Variants in DAB1 observed in about 807,000 individuals in gnomAD.
DAB1 encodes the protein disabled homolog 1.
In DAB1, 15 loss-of-function variants were observed where a neutral mutation model predicts 64.6. The ratio of observed to expected loss-of-function variants is 0.23; its 90% CI spans 0.16 to 0.36. The LOEUF is 0.36. Among genes scored for constraint, DAB1 ranks in the 10% least tolerant of loss-of-function variants. The pLI is 1.00. For synonymous variants in DAB1, 235 were observed against 251.9 expected (o/e 0.93, Z 0.64); for missense variants, 596 against 706.7 (o/e 0.84, Z 1.78).
At chr1:57,264,627 G>T (rs1395852590) in intron 2 of DAB1, among the ~76,000 whole-genome samples, 1 of 152,146 alleles carries the variant, frequency 6.6e-6, no homozygotes, top group African/African-American at 2.4e-5. Flanking sequence ...CTTAAACAAG[G>T]TTGAACCCCT....
intron 1 of DAB1, among the ~76,000 whole-genome samples, chr1:57,874,726 G>T (rs1188256636): frequency 6.6e-6 from 1 of 152,150 alleles, no homozygotes; most frequent in African/African-American, 2.4e-5. Flanking sequence ...TCAGAAGAGT[G>T]ATGGTCACAT....
intron 6 of DAB1, among the ~76,000 whole-genome samples, chr1:57,784,219 A>G (rs984981232): frequency 6.6e-6 from 1 of 152,076 alleles, no homozygotes; most frequent in African/African-American, 2.4e-5. Flanking sequence ...AAATGGCAAG[A>G]CCGTTTCTAC....
intron 9 of DAB1, among the ~76,000 whole-genome samples, chr1:57,050,899 T>C (rs1170556844): frequency 1.3e-5 from 2 of 152,136 alleles, no homozygotes; most frequent in African/African-American, 4.8e-5. Context: ...GGAACTCAAA[T>C]AGAATAAGGG....
At chr1:58,357,160 T>A (rs1031500039) in intron 3 of DAB1, among the ~76,000 whole-genome samples, 1 of 151,970 alleles carries the variant, frequency 6.6e-6, no homozygotes, top group East Asian at 1.9e-4. Context: ...AGCTTTTGGA[T>A]TGTATGAGGC....
chr1:57,771,041 C>T (rs953610976), intron 6 of DAB1, among the ~76,000 whole-genome samples: 8 of 152,098 alleles, frequency 5.3e-5, no homozygotes, highest in African/African-American at 4.8e-5. Flanking sequence ...CTTGGAGAGG[C>T]GAAGTAAGTC....
chr1:57,592,812 T>C (rs1645460688), intron 7 of DAB1, among the ~76,000 whole-genome samples: 1 of 152,180 alleles, frequency 6.6e-6, no homozygotes, highest in African/African-American at 2.4e-5. Context: ...GAGGGCTCTC[T>C]TCCTGGCTTG....
intron 7 of DAB1, among the ~76,000 whole-genome samples, chr1:57,542,995 G>C (rs1034095180): frequency 2.6e-5 from 4 of 152,130 alleles, no homozygotes; most frequent in Non-Finnish European, 5.9e-5. Context: ...AGAGGAACTA[G>C]AGCCTCCTGC....
intron 5 of DAB1, chr1:58,047,794 T>A (rs1204877692): frequency 4.3e-6 from 1 of 234,842 alleles, no homozygotes; most frequent in Non-Finnish European, 8.4e-6. Context: ...AGTCAACAAC[T>A]GTTTATCCGG....
At chr1:58,127,171 T>C (rs1653164016) in intron 5 of DAB1, among the ~76,000 whole-genome samples, 4 of 151,928 alleles carry the variant, frequency 2.6e-5, no homozygotes, top group Admixed American at 6.5e-5. Flanking sequence ...TGAGATGGTA[T>C]CTCATTGTGA....
intron 5 of DAB1, among the ~76,000 whole-genome samples, chr1:57,998,644 A>G (rs1325552460): frequency 1.3e-5 from 2 of 152,176 alleles, no homozygotes; most frequent in African/African-American, 2.4e-5. Flanking sequence ...GATTACAGGC[A>G]TGAGCCTCAC....
chr1:57,429,645 A>C (rs1448212379), intron 7 of DAB1, among the ~76,000 whole-genome samples: 2 of 152,142 alleles, frequency 1.3e-5, no homozygotes, highest in African/African-American at 2.4e-5. Flanking sequence ...TCGTTAATCC[A>C]TTTTGAGTTG....
At chr1:57,569,586 G>A (rs760159926) in intron 7 of DAB1, among the ~76,000 whole-genome samples, 26 of 151,752 alleles carry the variant, frequency 1.7e-4, no homozygotes, top group Non-Finnish European at 2.9e-4. Context: ...ATCATACACC[G>A]GGGCCTGTTG....
intron 9 of DAB1, among the ~76,000 whole-genome samples, chr1:57,031,057 T>A (rs1302407739): frequency 6.6e-6 from 1 of 152,226 alleles, no homozygotes; most frequent in Non-Finnish European, 1.5e-5. Context: ...AGCACAACTT[T>A]TAAAATAACC....
intron 3 of DAB1, among the ~76,000 whole-genome samples, chr1:58,348,872 T>A (rs1445151977): frequency 6.6e-6 from 1 of 152,198 alleles, no homozygotes; most frequent in East Asian, 1.9e-4. Flanking sequence ...GGCAGGATAC[T>A]TCAAAGAGGT....
chr1:57,386,529 A>G (rs1681871115), intron 1 of DAB1: 1 of 152,116 alleles, frequency 6.6e-6, no homozygotes, highest in African/African-American at 2.4e-5. Flanking sequence ...TCTATATTCT[A>G]TATTCAATAG....
At chr1:57,576,469 C>A (rs573260954) in intron 7 of DAB1, among the ~76,000 whole-genome samples, 1 of 152,052 alleles carries the variant, frequency 6.6e-6, no homozygotes, top group Non-Finnish European at 1.5e-5. Flanking sequence ...AGGGAGAAGA[C>A]GACCATGTGA....
At chr1:57,006,561 T>C (rs545007879) in intron 14 of DAB1, among the ~76,000 whole-genome samples, 1 of 152,306 alleles carries the variant, frequency 6.6e-6, no homozygotes, top group East Asian at 1.9e-4. Context: ...ACCCTGGTCA[T>C]CTTCTGCCTG....
At chr1:57,818,328 C>G (rs1433254445) in intron 6 of DAB1, among the ~76,000 whole-genome samples, 2 of 152,206 alleles carry the variant, frequency 1.3e-5, no homozygotes, top group Non-Finnish European at 2.9e-5. Flanking sequence ...CCCCGAGTCT[C>G]ACTACACTTC....
chr1:57,070,987 C>T (rs1176997937), intron 7 of DAB1, 36 bp downstream of exon 7: 1 of 1,584,160 alleles, frequency 6.3e-7, no homozygotes, highest in Non-Finnish European at 8.7e-7. Flanking sequence ...TCTAGTCACT[C>T]TTGAATCTAA....
Sources: gnomAD v4.1 joint callset for allele counts (sites outside exome capture counted in the v4.1 genomes callset) on GRCh38, gnomAD v4.1.1 for gene constraint, MANE v1.5 for transcripts, NCBI Gene and HGNC (gene_info 2026-07-23, HGNC 2026-07-21) for gene names.